Variants in ZNF469 observed in about 807,000 individuals in gnomAD.
The protein encoded by ZNF469 is zinc finger protein 469.
A neutral mutation model predicts 1.0 loss-of-function variants in ZNF469; 1 was observed. The ratio of observed to expected loss-of-function variants is 1.00; its 90% CI spans 0.35 to 4.73. ZNF469 has a LOEUF of 4.73. Ranked by LOEUF, ZNF469 falls within the 30% of genes most tolerant of loss-of-function variation. The pLI, the probability that ZNF469 is intolerant of heterozygous loss-of-function variation, is 0.16. For missense variants in ZNF469, 6,100 were observed against 5,356.3 expected, an observed-to-expected ratio of 1.14 and a Z score of -4.33; for synonymous variants, 2,703 against 2,363.4, an observed-to-expected ratio of 1.14 and a Z score of -4.17.
intron 1 of ZNF469, among the ~76,000 whole-genome samples, chr16:88,405,112 C>T (rs1459984529): frequency 6.6e-6 from 1 of 152,058 alleles, no homozygotes; most frequent in African/African-American, 2.4e-5. Flanking sequence ...GGTGCTGTTG[C>T]CAACAATGGG....
the ZNF469 span, among the ~76,000 whole-genome samples, chr16:88,115,668 G>GGGCCCTTCCAGCCGTACTCCCTCTA: frequency 2.9e-4 from 1 of 3,452 alleles, no homozygotes; most frequent in African/African-American, 1.1e-3. Context: ...TACTCCCTCT[G>GGGCCCTTCCAGCCGTACTCCCTCTA]GAGGCTCTGG....
intron 1 of ZNF469, among the ~76,000 whole-genome samples, chr16:88,401,909 G>GGATGGAT (rs1567501792): frequency 1.8e-4 from 17 of 96,412 alleles, no homozygotes; most frequent in South Asian, 7.0e-4. Context: ...GATGGATGGA[G>GGATGGAT]GGATGGATGG....
At chr16:88,203,610 T>A in the ZNF469 span, among the ~76,000 whole-genome samples, 10 of 151,442 alleles carry the variant, frequency 6.6e-5, no homozygotes, top group South Asian at 2.1e-3. Flanking sequence ...GCCTGGGGGG[T>A]CTCCCGGGGA....
chr16:88,365,450 GC>G, the ZNF469 span, among the ~76,000 whole-genome samples: 65 of 152,332 alleles, frequency 4.3e-4, no homozygotes, highest in African/African-American at 1.4e-3. Flanking sequence ...GTCAGAAGGG[GC>G]CAAGCACCCA....
chr16:88,219,512 A>G, the ZNF469 span, among the ~76,000 whole-genome samples: 3 of 146,162 alleles, frequency 2.1e-5, no homozygotes, highest in Non-Finnish European at 4.5e-5. Context: ...AAAACAAGCA[A>G]TGGGGAAAGG....
chr16:88,341,346 T>C, the ZNF469 span, among the ~76,000 whole-genome samples: 2 of 151,958 alleles, frequency 1.3e-5, no homozygotes, highest in Admixed American at 6.5e-5. Context: ...GGAACATGCG[T>C]TTGGAATCTT....
rs916246971 is a variant in ZNF469 at position 88,433,322 on chromosome 16, C to T, written c.5852C>T (p.Ala1951Val). ...GGCACTGTGGAAGGAGGGAAGGTGG[C>T]CTGTGGCCCCGCCCAGGGCTCCCCA... is the stretch of plus-strand genomic sequence containing the variant. ...EGGTVEGGKV[A>V]CGPAQGSPGG... Residue 1951 changes from alanine (A) to valine (V), a missense_variant, in exon 3 of 3, where the codon GCC becomes GTC. Physicochemically the swap from Ala to Val is moderately conservative, Grantham distance 64. Transcript: ENST00000565624. The T allele has an allele frequency of 3.2e-6, 5 of 1,550,188 alleles. No homozygotes were observed. In the African/African-American group the frequency reaches 6.8e-5, roughly 21 times the overall value.
rs776017867 is a variant in ZNF469, at chr16:88,433,031, G to T, written c.5561G>T (p.Gly1854Val). ...HPTAGRPGFE[G>V]NEFAPAGASS... ...ACGGCAGGGAGGCCTGGCTTTGAGG[G>T]TAATGAGTTTGCACCGGCGGGGGCC... is the stretch of plus-strand genomic sequence containing the variant. Residue 1854 changes from glycine to valine, a missense_variant, in exon 3 of 3, where the codon GGT becomes GTT. Transcript: ENST00000565624. 6 of 1,550,390 alleles carry T rather than the reference G, an allele frequency of 3.9e-6. No individual in the cohort carries two copies. The South Asian group carries it at 7.1e-5, about 18-fold the overall frequency.
At chr16:88,264,018 G>A in the ZNF469 span, among the ~76,000 whole-genome samples, 1 of 152,008 alleles carries the variant, frequency 6.6e-6, no homozygotes, top group African/African-American at 2.4e-5. Flanking sequence ...GCCTCCCTGT[G>A]GCAGGCCCAG....
the ZNF469 span, among the ~76,000 whole-genome samples, chr16:88,133,280 G>A: frequency 1.3e-5 from 2 of 152,340 alleles, no homozygotes; most frequent in East Asian, 1.9e-4. Context: ...GATTCCCACG[G>A]TCAAATCATT....
chr16:88,438,616 G>C lies in ZNF469; in HGVS notation c.11146G>C (p.Glu3716Gln). ...ACCCGGGGAGCTGGCCCGTGGCACA[G>C]AGAATGGGATGAAGCCCGCCACCCC... ...LAPGELARGTENGMKPATPKA... is the reference protein window; with the variant it reads ...LAPGELARGTQNGMKPATPKA... The change falls in exon 3 of 3, where the codon GAG becomes CAG. Residue 3716 changes from glutamate to glutamine, a missense_variant. Physicochemically the swap from Glu to Gln is conservative, Grantham distance 29. Transcript: ENST00000565624. 6.5e-7 allele frequency: 1 copy of C among 1,550,108 alleles called. No individual in the cohort carries two copies. Among genetic ancestry groups the C allele is most frequent in the Non-Finnish European group, 8.7e-7 (1 of 1,146,922 alleles).
intron 1 of ZNF469, among the ~76,000 whole-genome samples, chr16:88,416,904 C>A (rs915310197): frequency 6.6e-6 from 1 of 152,188 alleles, no homozygotes; most frequent in African/African-American, 2.4e-5. Flanking sequence ...GCCTGTCCTG[C>A]GGTCGGCGTC....
chr16:88,285,922 G>A, the ZNF469 span, among the ~76,000 whole-genome samples: 2 of 152,366 alleles, frequency 1.3e-5, no homozygotes, highest in East Asian at 3.9e-4. Flanking sequence ...ATCCCTCCAT[G>A]AGACTCCTGC....
At chr16:88,129,306 C>A in the ZNF469 span, among the ~76,000 whole-genome samples, 6 of 152,230 alleles carry the variant, frequency 3.9e-5, no homozygotes, top group African/African-American at 1.4e-4. Flanking sequence ...ATCACGGCAG[C>A]CTCTCGGCGG....
intron 1 of ZNF469, among the ~76,000 whole-genome samples, chr16:88,393,793 G>T (rs915060293): frequency 6.6e-6 from 1 of 152,244 alleles, no homozygotes; most frequent in Admixed American, 6.5e-5. Context: ...GGTGTGCGAC[G>T]GCCATCATGG....
At chr16:88,345,679 C>G in the ZNF469 span, among the ~76,000 whole-genome samples, 1 of 152,194 alleles carries the variant, frequency 6.6e-6, no homozygotes, top group South Asian at 2.1e-4. Context: ...GCTCACCATG[C>G]AGGGAAGGGC....
Position 88,435,782 on chromosome 16 carries a change from G to C in ZNF469, c.8312G>C (p.Gly2771Ala). 1 of 1,550,676 alleles carries C rather than the reference G, an allele frequency of 6.4e-7. No individual in the cohort carries two copies. Among genetic ancestry groups the C allele is most frequent in the African/African-American group, 1.4e-5 (1 of 73,186 alleles). ...GCGTTGGGTGTGTGCAAAGAGTCTG[G>C]GAGCGAGCCTGCGGAGGACAGCAGC... ...TKALGVCKES[G>A]SEPAEDSSRA... is the part of the protein sequence containing the mutation. The change falls in exon 3 of 3, where the codon GGG becomes GCG. Residue 2771 changes from glycine to alanine, a missense_variant. Transcript: ENST00000565624.
the ZNF469 span, among the ~76,000 whole-genome samples, chr16:88,320,185 C>T: frequency 6.6e-6 from 1 of 152,242 alleles, no homozygotes; most frequent in African/African-American, 2.4e-5. Flanking sequence ...CACGTGTTTA[C>T]TAAGTGATAA....
the ZNF469 span, among the ~76,000 whole-genome samples, chr16:88,192,941 T>C: frequency 2.2e-5 from 3 of 137,988 alleles, no homozygotes; most frequent in African/African-American, 5.9e-5. Flanking sequence ...ATAGTGATGA[T>C]GGTGATGATG....
Sources: allele counts gnomAD v4.1 joint callset (sites outside exome capture counted in the v4.1 genomes callset), GRCh38; gene constraint gnomAD v4.1.1; transcripts MANE v1.5; gene names NCBI Gene and HGNC (gene_info 2026-07-23, HGNC 2026-07-21).